ABL1: variants seen among roughly 807,000 people sequenced by gnomAD.
The protein encoded by ABL1 is ABL proto-oncogene 1, non-receptor tyrosine kinase.
Under a neutral mutation model 94.7 loss-of-function variants are expected in ABL1, and 11 were observed. The ratio of observed to expected loss-of-function variants is 0.12; its 90% CI spans 0.07 to 0.19. ABL1 has a LOEUF of 0.19. Among genes scored for constraint, ABL1 ranks in the 10% least tolerant of loss-of-function variants. The pLI is 1.00. For missense variants in ABL1, 1,082 were observed against 1,489.4 expected (o/e 0.73, Z 4.50); for synonymous variants, 656 against 622.4 (o/e 1.05, Z -0.80).
Position 130,880,059 on chromosome 9 carries a change from T to C in ABL1, c.1424-9T>C. 6.2e-7 allele frequency: 1 copy of C among 1,614,042 alleles called. No individual in the cohort carries two copies. Among genetic ancestry groups the C allele is most frequent in the South Asian group, 1.1e-5 (1 of 91,070 alleles). ...CATGGATGATCTGACTTGGGTTTCA[T>C]CTGTCCAGGTTGGCAGTGGAATCCC... is the stretch of plus-strand genomic sequence containing the variant. On this transcript the variant is annotated splice_polypyrimidine_tract_variant and intron_variant, in intron 8 of 10. Transcript: ENST00000318560. The surrounding 1 kb of genome is among the most constrained non-coding windows in gnomAD (Gnocchi z 4.4).
At chr9:130,870,313 GATT>G (rs2132990576) in intron 4 of ABL1, among the ~76,000 whole-genome samples, 2 of 152,342 alleles carry the variant, frequency 1.3e-5, no homozygotes, top group Admixed American at 1.3e-4. Context: ...TACCTCTCAA[GATT>G]ATTACATGGG....
intron 1 of ABL1, among the ~76,000 whole-genome samples, chr9:130,753,600 AT>A (rs1325763178): frequency 6.7e-6 from 1 of 150,216 alleles, no homozygotes; most frequent in Non-Finnish European, 1.5e-5. Context: ...CAATTTTTGT[AT>A]TTTTAGTAGA....
intron 1 of ABL1, among the ~76,000 whole-genome samples, chr9:130,780,364 T>G (rs769909897): frequency 6.6e-6 from 1 of 152,162 alleles, no homozygotes; most frequent in Non-Finnish European, 1.5e-5. Flanking sequence ...TTTTGGCTGT[T>G]TTAGGAAGAA....
chr9:130,756,648 A>G (rs1832044777), intron 1 of ABL1, among the ~76,000 whole-genome samples: 1 of 152,056 alleles, frequency 6.6e-6, no homozygotes, highest in Non-Finnish European at 1.5e-5. Flanking sequence ...AGTTGAGGGG[A>G]AGGGGATGTT....
In ABL1 at chr9:130,843,310, G is replaced by A. The variant is rs142955338; in HGVS notation, c.79+7785G>A. Among the ~76,000 whole-genome samples, 14 of 152,288 alleles carry A rather than the reference G, an allele frequency of 9.2e-5. No homozygotes were observed. The East Asian group carries it at 2.3e-3, about 25-fold the overall frequency. On this transcript the variant is annotated intron_variant, in intron 1 of 10. Transcript: ENST00000318560. Reference sequence around the variant, plus strand: ...GAAGGCGTGGCATAAGAGAAGACGCGGTTGTTCTGTAGTGAGCATCCCAGT... The same window carrying A: ...GAAGGCGTGGCATAAGAGAAGACGCAGTTGTTCTGTAGTGAGCATCCCAGT...
At chr9:130,734,910 T>C (rs1318958661) in intron 1 of ABL1, among the ~76,000 whole-genome samples, 1 of 152,160 alleles carries the variant, frequency 6.6e-6, no homozygotes, top group Non-Finnish European at 1.5e-5. Flanking sequence ...TTATGATTTA[T>C]AATTTTATGC....
intron 1 of ABL1, among the ~76,000 whole-genome samples, chr9:130,730,001 C>G (rs375508423): frequency 6.7e-5 from 10 of 149,404 alleles, no homozygotes; most frequent in Admixed American, 1.3e-4. Context: ...CCTTGGCCCC[C>G]CAAAGTGCTG....
chr9:130,727,762 CCA>C lies in ABL1; in HGVS notation c.136+13308_136+13309del, dbSNP rs1491429139. The stretch of plus-strand genomic sequence containing the variant: ...CAGAGTGAGACACCGCCCCCCCCCC[CCA>C]AAAAAAAGCATTTATTAGGAAACAG... On this transcript the variant is annotated intron_variant, in intron 1 of 10. Coordinates refer to the ABL1 transcript ENST00000372348. 4.2e-4 allele frequency among the ~76,000 whole-genome samples: 57 copies of C among 135,888 alleles called. 2 individuals carry two copies. Among genetic ancestry groups the C allele is most frequent in the South Asian group, 3.5e-3 (14 of 4,038 alleles). 89.1% of individuals were successfully genotyped at this position (135,888 alleles called of 152,430 possible). A position where few individuals can be genotyped will look rare whatever the true frequency, so the allele number is the denominator to read the frequency against.
In ABL1 at chr9:130,854,250, T is replaced by A; in HGVS notation, c.253+13T>A. The A allele has an allele frequency of 6.2e-7, 1 of 1,611,202 alleles. No homozygotes were observed. The highest frequency in any genetic ancestry group is 8.5e-7 in the Non-Finnish European group (1 of 1,178,322). On this transcript the variant is annotated intron_variant, in intron 2 of 10. Coordinates refer to ENST00000318560, the MANE Select transcript of ABL1 (RefSeq NM_005157.6). ...AGCATAACTAAAGGTAAAAGGGTTG[T>A]GGGCAGCTAGTGGTGGTTGCAGGAG... is the stretch of plus-strand genomic sequence containing the variant.
chr9:130,839,075 A>C (rs1413194357), intron 1 of ABL1, among the ~76,000 whole-genome samples: 3 of 151,600 alleles, frequency 2.0e-5, no homozygotes, highest in Non-Finnish European at 4.4e-5. Flanking sequence ...TGACTAATTA[A>C]AATTTTTTTT....
intron 1 of ABL1, among the ~76,000 whole-genome samples, chr9:130,727,220 A>G (rs1308356437): frequency 2.7e-5 from 4 of 148,234 alleles, no homozygotes; most frequent in African/African-American, 4.9e-5. Context: ...TACTTCATCT[A>G]TAGCTTTGCT....
intron 1 of ABL1, among the ~76,000 whole-genome samples, chr9:130,721,822 G>GTT (rs746954089): frequency 0.017 from 1,995 of 120,802 alleles, 59 homozygotes; most frequent in Middle Eastern, 0.033. Flanking sequence ...GTTTTTTTTT[G>GTT]TTTTTTTTTT....
At chr9:130,738,021 AG>A (rs974580209) in intron 1 of ABL1, among the ~76,000 whole-genome samples, 2 of 151,846 alleles carry the variant, frequency 1.3e-5, no homozygotes, top group Non-Finnish European at 2.9e-5. Flanking sequence ...TAATAGAGAT[AG>A]GGTTTCACCA....
chr9:130,738,179 G>A (rs1279438565), intron 1 of ABL1, among the ~76,000 whole-genome samples: 1 of 152,028 alleles, frequency 6.6e-6, no homozygotes, highest in Non-Finnish European at 1.5e-5. Flanking sequence ...GATAAGACCC[G>A]AGACCAAGGA....
At chr9:130,792,354 G>T (rs1302217434) in intron 1 of ABL1, among the ~76,000 whole-genome samples, 2 of 152,192 alleles carry the variant, frequency 1.3e-5, no homozygotes, top group South Asian at 4.1e-4. Flanking sequence ...AGCTCGCATG[G>T]TAACATAAGT....
At chr9:130,868,094 G>A (rs1831187235) in intron 4 of ABL1, among the ~76,000 whole-genome samples, 1 of 152,004 alleles carries the variant, frequency 6.6e-6, no homozygotes, top group African/African-American at 2.4e-5. Flanking sequence ...CGAGTAGCTG[G>A]GACTACAGGT....
chr9:130,809,652 G>A (rs569040911), intron 1 of ABL1, among the ~76,000 whole-genome samples: 3 of 152,170 alleles, frequency 2.0e-5, no homozygotes, highest in African/African-American at 2.4e-5. Flanking sequence ...GTCCCAGTTC[G>A]AAGGCAGTTA....
chr9:130,737,596 C>T (rs1198174091), intron 1 of ABL1, among the ~76,000 whole-genome samples: 1 of 152,114 alleles, frequency 6.6e-6, no homozygotes, highest in Non-Finnish European at 1.5e-5. Flanking sequence ...GAACCCAGTA[C>T]CTCAGGTTTA....
At chr9:130,825,827 A>C (rs972987753) in intron 1 of ABL1, among the ~76,000 whole-genome samples, 8 of 152,228 alleles carry the variant, frequency 5.3e-5, no homozygotes, top group Non-Finnish European at 1.2e-4. Context: ...TTATAATTAA[A>C]CCTTAAGGTA....
Sources: gnomAD v4.1 joint callset for allele counts (sites outside exome capture counted in the v4.1 genomes callset) on GRCh38, gnomAD v4.1.1 for gene constraint, Gnocchi (gnomAD v3.1) non-coding constraint, MANE v1.5 for transcripts, NCBI Gene and HGNC (gene_info 2026-07-23, HGNC 2026-07-21) for gene names.